Variants in LIN7A observed in about 807,000 individuals in gnomAD.
LIN7A encodes protein lin-7 homolog A.
In LIN7A, 25 loss-of-function variants were observed where a neutral mutation model predicts 29.8. The observed-to-expected ratio is 0.84, with a 90% CI of 0.61 to 1.17. The LOEUF (loss-of-function observed/expected upper bound fraction) is 1.17. Ranked by LOEUF, LIN7A falls within the 50% of genes most tolerant of loss-of-function variation. LIN7A has a pLI of 0.00. For synonymous variants in LIN7A, 118 were observed against 107.5 expected (o/e 1.10, Z -0.60); for missense variants, 239 against 287.0 (o/e 0.83, Z 1.21).
Position 80,794,449 on chromosome 12 carries a change from T to A in LIN7A, c.*3278A>T, listed in dbSNP as rs1015190248. On this transcript the variant is annotated 3_prime_UTR_variant, in exon 6 of 6. Transcript: ENST00000552864. ...ACAAACTAGTTAAAAGATGAGAAAT[T>A]TAGGCATTATTCACACATCCACACA... 2.0e-5 allele frequency: 3 copies of A among 152,118 alleles called. No individual in the cohort carries two copies. Among genetic ancestry groups the A allele is most frequent in the Admixed American group, 2.0e-4 (3 of 15,272 alleles). The allele number at this position is 152,118 out of a possible 1,614,324, so 9.4% of individuals were successfully genotyped here. A position where few individuals can be genotyped will look rare whatever the true frequency, so the allele number is the denominator to read the frequency against.
chr12:80,819,540 T>C (rs1174992151), intron 4 of LIN7A, among the ~76,000 whole-genome samples: 1 of 152,176 alleles, frequency 6.6e-6, no homozygotes, highest in African/African-American at 2.4e-5. Context: ...GTGTCCAGCA[T>C]TTATTATGAA....
At chr12:80,826,730 C>T (rs564881800) in intron 4 of LIN7A, among the ~76,000 whole-genome samples, 4 of 152,196 alleles carry the variant, frequency 2.6e-5, no homozygotes, top group African/African-American at 7.2e-5. Context: ...ACCGTGTTGG[C>T]CAGGTTGGTC....
At chr12:80,879,871 T>A (rs1163670) in intron 2 of LIN7A, among the ~76,000 whole-genome samples, 103,198 of 152,038 alleles carry the variant, frequency 0.68, 39,066 homozygotes, top group Non-Finnish European at 0.87. Context: ...CTGAGCTTTC[T>A]CCAAGCTACT....
chr12:80,880,647 T>C (rs1874973480), intron 2 of LIN7A, among the ~76,000 whole-genome samples: 1 of 152,044 alleles, frequency 6.6e-6, no homozygotes, highest in South Asian at 2.1e-4. Context: ...TTACGCTGGA[T>C]CTTGCATAAA....
rs145485796 is a variant in LIN7A, at chr12:80,925,098, C to T, written c.82+12543G>A. 1.9e-3 allele frequency among the ~76,000 whole-genome samples: 296 copies of T among 152,292 alleles called. 3 individuals carry two copies. Among genetic ancestry groups the T allele is most frequent in the African/African-American group, 6.8e-3 (282 of 41,574 alleles). ...TTTGAAGACAAACCACTAATTTACT[C>T]AGCAAATGTTTGAGCACATATCTTT... On this transcript the variant is annotated intron_variant, in intron 1 of 5. Transcript: ENST00000552864.
At chr12:80,929,511 A>G (rs1024920398) in intron 1 of LIN7A, among the ~76,000 whole-genome samples, 16 of 152,204 alleles carry the variant, frequency 1.1e-4, no homozygotes, top group African/African-American at 3.4e-4. Flanking sequence ...AAGTGTTTCT[A>G]CTAGAAATCC....
In LIN7A at chr12:80,890,012, G is replaced by T. The variant is rs546241240; in HGVS notation, c.83-643C>A. ...CCAGCCTCTTCAAATGGTCCACAAA[G>T]TTATTTTCCTAAAATAAATTCTGAT... On this transcript the variant is annotated intron_variant, in intron 1 of 5. Transcript: ENST00000552864. Among the ~76,000 whole-genome samples, 3 of 152,148 alleles carry T rather than the reference G, an allele frequency of 2.0e-5. No homozygotes were observed. In the South Asian group the frequency reaches 6.2e-4, roughly 32 times the overall value.
intron 4 of LIN7A, among the ~76,000 whole-genome samples, chr12:80,819,217 A>T (rs1871679760): frequency 6.6e-6 from 1 of 152,214 alleles, no homozygotes; most frequent in African/African-American, 2.4e-5. Flanking sequence ...CATCCTAAAT[A>T]TGTATGCACA....
chr12:80,873,065 TG>T (rs1302767869), intron 2 of LIN7A, among the ~76,000 whole-genome samples: 1 of 152,226 alleles, frequency 6.6e-6, no homozygotes, highest in Admixed American at 6.5e-5. Flanking sequence ...TGTGTGGCAC[TG>T]TTCTCTTTTT....
intron 1 of LIN7A, among the ~76,000 whole-genome samples, chr12:80,893,754 C>A (rs1163668): frequency 4.8e-4 from 73 of 152,116 alleles, no homozygotes; most frequent in African/African-American, 1.7e-3. Context: ...CTTGGTGACC[C>A]GCTTGCCCTC....
chr12:80,817,371 T>C (rs1180232812), intron 4 of LIN7A, among the ~76,000 whole-genome samples: 2 of 152,198 alleles, frequency 1.3e-5, no homozygotes, highest in Non-Finnish European at 2.9e-5. Flanking sequence ...CTGTGCACTA[T>C]CAGTCATCAA....
chr12:80,849,707 C>T (rs548463939), intron 2 of LIN7A, among the ~76,000 whole-genome samples: 104 of 152,220 alleles, frequency 6.8e-4, no homozygotes, highest in African/African-American at 2.5e-3. Flanking sequence ...TCCACCCCCA[C>T]CATTCCTCAA....
At chr12:80,839,981 A>G (rs1872738125) in intron 4 of LIN7A, among the ~76,000 whole-genome samples, 1 of 152,146 alleles carries the variant, frequency 6.6e-6, no homozygotes, top group South Asian at 2.1e-4. Context: ...GCTCTAAGAC[A>G]ATGTTTGCAT....
chr12:80,885,882 A>C (rs1875298985), intron 2 of LIN7A, among the ~76,000 whole-genome samples: 1 of 152,146 alleles, frequency 6.6e-6, no homozygotes. Context: ...AAAATATGGA[A>C]TTATTTCAAC....
At chr12:80,836,215 GTCACTTTGT>G (rs778731499) in intron 4 of LIN7A, among the ~76,000 whole-genome samples, 8 of 152,178 alleles carry the variant, frequency 5.3e-5, no homozygotes, top group Non-Finnish European at 7.4e-5. Flanking sequence ...GTATACTTTA[GTCACTTTGT>G]TCTTTCAGCT....
At chr12:80,836,681 T>C (rs1872601850) in intron 4 of LIN7A, among the ~76,000 whole-genome samples, 1 of 151,878 alleles carries the variant, frequency 6.6e-6, no homozygotes, top group African/African-American at 2.4e-5. Context: ...AATATGTATA[T>C]ATATATATTT....
chr12:80,856,603 T>G (rs1873613005), intron 2 of LIN7A, among the ~76,000 whole-genome samples: 1 of 152,142 alleles, frequency 6.6e-6, no homozygotes, highest in African/African-American at 2.4e-5. Context: ...GGCTATTAGC[T>G]CCATTACTTT....
intron 1 of LIN7A, among the ~76,000 whole-genome samples, chr12:80,898,118 G>T (rs1194309787): frequency 1.3e-5 from 2 of 152,124 alleles, no homozygotes; most frequent in Admixed American, 1.3e-4. Context: ...TTATATCTAA[G>T]TATTTAGTCC....
intron 2 of LIN7A, among the ~76,000 whole-genome samples, chr12:80,876,454 T>C (rs1308597389): frequency 2.0e-5 from 3 of 152,192 alleles, no homozygotes; most frequent in Non-Finnish European, 2.9e-5. Flanking sequence ...GAGAATTTTA[T>C]TCATGAAAGA....
Sources: gnomAD v4.1 joint callset for allele counts (sites outside exome capture counted in the v4.1 genomes callset) on GRCh38, gnomAD v4.1.1 for gene constraint, MANE v1.5 for transcripts, NCBI Gene and HGNC (gene_info 2026-07-23, HGNC 2026-07-21) for gene names.